KCNJ5: variants seen among roughly 807,000 people sequenced by gnomAD.
The protein encoded by KCNJ5 is potassium inwardly rectifying channel subfamily J member 5, also known as G protein-activated inward rectifier potassium channel 4.
Under a neutral mutation model 20.2 loss-of-function variants are expected in KCNJ5, and 12 were observed. That is an observed-to-expected ratio of 0.59 (90% CI 0.38 to 0.96). The LOEUF is 0.96. KCNJ5 is among the 40% of genes least tolerant of loss of function. The probability of loss-of-function intolerance (pLI) is 0.00; values close to 1 mark genes in which losing one functional copy is unlikely to be tolerated. For synonymous variants in KCNJ5, 210 were observed against 213.9 expected (o/e 0.98, Z 0.16); for missense variants, 449 against 557.6 (o/e 0.81, Z 1.96).
intron 1 of KCNJ5, among the ~76,000 whole-genome samples, chr11:128,906,512 T>C (rs1484685461): frequency 6.6e-6 from 1 of 152,196 alleles, no homozygotes; most frequent in Non-Finnish European, 1.5e-5. Context: ...CATTCTCATG[T>C]GGAACTCAGG....
chr11:128,891,879 C>T (rs1693265528), intron 1 of KCNJ5, among the ~76,000 whole-genome samples, 158 bp downstream of exon 1: 1 of 152,202 alleles, frequency 6.6e-6, no homozygotes, highest in Non-Finnish European at 1.5e-5. Flanking sequence ...TAGGGCAGGT[C>T]CAAGTTTAGG....
chr11:128,912,007 A>G lies in KCNJ5; in HGVS notation c.734A>G (p.Lys245Arg). 6.2e-7 allele frequency: 1 copy of G among 1,610,048 alleles called. No homozygotes were observed. Among genetic ancestry groups the G allele is most frequent in the Non-Finnish European group, 8.5e-7 (1 of 1,176,840 alleles). ...AAGCTCATCAAGTCCCGGCAGACCAAAGAGGGGGAGTTCATCCCCCTGAAC... is the reference window on the plus strand; with the variant it reads ...AAGCTCATCAAGTCCCGGCAGACCAGAGAGGGGGAGTTCATCCCCCTGAAC... ...RAKLIKSRQT[K>R]EGEFIPLNQT... The change falls in exon 2 of 3, where the codon AAA becomes AGA. Residue 245 changes from lysine to arginine, a missense_variant. Lys to Arg is a conservative substitution (Grantham distance 26, BLOSUM62 2). Transcript: ENST00000529694.
chr11:128,916,131 T>C (rs1025605583), intron 2 of KCNJ5, among the ~76,000 whole-genome samples: 47 of 144,760 alleles, frequency 3.2e-4, no homozygotes, highest in African/African-American at 1.1e-3. Context: ...GATGGATGGA[T>C]GGATGGATGG....
Position 128,901,060 on chromosome 11 carries a change from G to A in KCNJ5, c.-11+9339G>A, listed in dbSNP as rs930776539. The stretch of plus-strand genomic sequence containing the variant: ...ATTTCTTATATAGGAAAGAGACCCA[G>A]GGTGGTAACCTGTAGAGTAACATGT... On this transcript the variant is annotated intron_variant, in intron 1 of 2. Coordinates refer to ENST00000529694, the MANE Select transcript of KCNJ5 (RefSeq NM_000890.5). 7 of 152,368 alleles carry A rather than the reference G, an allele frequency of 4.6e-5. No homozygotes were observed. The South Asian group carries it at 1.5e-3, about 32-fold the overall frequency. 9.4% of individuals were successfully genotyped at this position (152,368 alleles called of 1,614,324 possible).
Position 128,917,478 on chromosome 11 carries a change from A to G in KCNJ5, c.*747A>G, listed in dbSNP as rs886048015. The G allele has an allele frequency of 6.6e-6, 1 of 152,472 alleles. No homozygotes were observed. The highest frequency in any genetic ancestry group is 2.1e-4 in the South Asian group (1 of 4,834). The allele number at this position is 152,472 out of a possible 1,614,324, so 9.4% of individuals were successfully genotyped here. ...TCAGCAGCTTCCTGGCCTACTCCCA[A>G]TCACACTGTGCCCTGCACCTCCCAC... is the stretch of plus-strand genomic sequence containing the variant. On this transcript the variant is annotated 3_prime_UTR_variant, in exon 3 of 3. Transcript: ENST00000529694.
At chr11:128,896,607 GGT>G (rs142872056) in intron 1 of KCNJ5, among the ~76,000 whole-genome samples, 43 of 149,018 alleles carry the variant, frequency 2.9e-4, no homozygotes, top group South Asian at 1.3e-3. Flanking sequence ...GCTTGTTGGG[GGT>G]GTGTGTGTGT....
chr11:128,895,383 C>CG (rs1491439039), intron 1 of KCNJ5, among the ~76,000 whole-genome samples: 5 of 8,262 alleles, frequency 6.1e-4, no homozygotes, highest in Admixed American at 3.2e-3. Context: ...TGTGCCCCCA[C>CG]CCCCCCCCCA....
chr11:128,903,346 C>A, intron 1 of KCNJ5: 1 of 1,613,498 alleles, frequency 6.2e-7, no homozygotes, highest in Non-Finnish European at 8.5e-7. Flanking sequence ...TGGAAGAACG[C>A]GATCCGGCAG....
intron 1 of KCNJ5, among the ~76,000 whole-genome samples, chr11:128,903,187 C>A (rs1003409786): frequency 4.6e-5 from 7 of 152,146 alleles, no homozygotes; most frequent in Non-Finnish European, 8.8e-5. Flanking sequence ...TGTATATGTG[C>A]TTTTCCTAAA....
intron 1 of KCNJ5, among the ~76,000 whole-genome samples, chr11:128,903,185 TG>T (rs1484536312): frequency 4.6e-5 from 7 of 152,226 alleles, no homozygotes; most frequent in Non-Finnish European, 8.8e-5. Flanking sequence ...TTTGTATATG[TG>T]CTTTTCCTAA....
At chr11:128,913,231 G>A (rs1944528237) in intron 2 of KCNJ5, among the ~76,000 whole-genome samples, 1 of 152,198 alleles carries the variant, frequency 6.6e-6, no homozygotes, top group African/African-American at 2.4e-5. Flanking sequence ...CAGCATTCTT[G>A]CAGAAGGTTG....
chr11:128,915,227 C>T (rs918221792), intron 2 of KCNJ5, among the ~76,000 whole-genome samples: 6 of 152,230 alleles, frequency 3.9e-5, no homozygotes, highest in Non-Finnish European at 5.9e-5. Flanking sequence ...CATCCATAAA[C>T]AAAGCTGCCC....
At chr11:128,900,936 G>A (rs1395314071) in intron 1 of KCNJ5, 2 of 152,216 alleles carry the variant, frequency 1.3e-5, no homozygotes, top group East Asian at 3.8e-4. Context: ...ATCCAATCCA[G>A]GGGGGCCAAG....
intron 1 of KCNJ5, among the ~76,000 whole-genome samples, chr11:128,906,228 A>C (rs1944413223): frequency 6.6e-6 from 1 of 152,224 alleles, no homozygotes. Context: ...GGAAGCTTAG[A>C]GAAGTAACTT....
chr11:128,893,428 T>C (rs377171418), intron 1 of KCNJ5, among the ~76,000 whole-genome samples: 4 of 150,480 alleles, frequency 2.7e-5, no homozygotes, highest in African/African-American at 7.3e-5. Flanking sequence ...CAAGACCCCA[T>C]CTCAAAAAAA....
chr11:128,900,170 C>T (rs1241327724), intron 1 of KCNJ5: 1 of 152,070 alleles, frequency 6.6e-6, no homozygotes, highest in African/African-American at 2.4e-5. Context: ...TTTTAAATAC[C>T]ATCAAAATGG....
At chr11:128,895,768 G>A (rs554409694) in intron 1 of KCNJ5, among the ~76,000 whole-genome samples, 14 of 152,264 alleles carry the variant, frequency 9.2e-5, no homozygotes, top group South Asian at 2.1e-4. Flanking sequence ...TCCGTGCTGC[G>A]CGCCCTTAGG....
At chr11:128,904,056 C>A (rs1591443790) in intron 1 of KCNJ5, among the ~76,000 whole-genome samples, 1 of 152,216 alleles carries the variant, frequency 6.6e-6, no homozygotes, top group Non-Finnish European at 1.5e-5. Context: ...CATCACTCTG[C>A]TTTTGTGACC....
At chr11:128,893,684 G>A (rs1329055685) in intron 1 of KCNJ5, among the ~76,000 whole-genome samples, 1 of 95,130 alleles carries the variant, frequency 1.1e-5, no homozygotes, top group Non-Finnish European at 2.1e-5. Flanking sequence ...TCAGCTAAAG[G>A]AGGAGCCAAG....
Sources: allele counts gnomAD v4.1 joint callset (sites outside exome capture counted in the v4.1 genomes callset), GRCh38; gene constraint gnomAD v4.1.1; transcripts MANE v1.5; gene names NCBI Gene and HGNC (gene_info 2026-07-23, HGNC 2026-07-21).